TENM2: variants seen among roughly 807,000 people sequenced by gnomAD.
TENM2 encodes the protein teneurin transmembrane protein 2.
TENM2 carries 52 observed loss-of-function variants against 245.2 expected under a neutral mutation model. That is an observed-to-expected ratio of 0.21 (90% confidence interval 0.17 to 0.27). TENM2 has a LOEUF of 0.27. Among genes scored for constraint, TENM2 ranks in the 10% least tolerant of loss-of-function variants. The probability of loss-of-function intolerance (pLI) is 1.00; values close to 1 mark genes in which losing one functional copy is unlikely to be tolerated. For missense variants in TENM2, 3,046 were observed against 3,666.8 expected (o/e 0.83, Z 4.37); for synonymous variants, 1,363 against 1,438.9 (o/e 0.95, Z 1.19).
intron 3 of TENM2, among the ~76,000 whole-genome samples, chr5:167,894,958 GA>G (rs1364904529): frequency 1.7e-4 from 21 of 120,820 alleles, no homozygotes; most frequent in African/African-American, 6.1e-4. Context: ...AGGAAGGAAG[GA>G]AGGAAGGAAG....
chr5:168,253,419 T>G, intron 27 of TENM2, among the ~76,000 whole-genome samples: 1 of 140,880 alleles, frequency 7.1e-6, no homozygotes, highest in African/African-American at 2.6e-5. Flanking sequence ...ATAAATGCAT[T>G]CATTATTTTA....
intron 2 of TENM2, among the ~76,000 whole-genome samples, chr5:167,388,458 C>G (rs558364278): frequency 6.6e-6 from 1 of 151,952 alleles, no homozygotes; most frequent in Non-Finnish European, 1.5e-5. Context: ...AAAGAACCAG[C>G]TTTTGTTTCA....
At chr5:168,225,993 C>T in intron 23 of TENM2, 95 bp from the exon 26 acceptor site, 1 of 1,237,698 alleles carries the variant, frequency 8.1e-7, no homozygotes, top group Non-Finnish European at 1.1e-6. Context: ...ACCCACCTTC[C>T]CAGCTCTTTC....
the TENM2 span, among the ~76,000 whole-genome samples, chr5:167,021,327 T>A: frequency 6.6e-6 from 1 of 152,236 alleles, no homozygotes; most frequent in Admixed American, 6.5e-5. Context: ...TGTACTCAAA[T>A]GATTGCTGCA....
chr5:167,395,564 C>T (rs1762005063), intron 2 of TENM2, among the ~76,000 whole-genome samples: 1 of 152,128 alleles, frequency 6.6e-6, no homozygotes, highest in Non-Finnish European at 1.5e-5. Context: ...AGCATGTATC[C>T]TTGTCGTGTC....
At chr5:167,273,623 T>A in the TENM2 span, among the ~76,000 whole-genome samples, 5 of 152,174 alleles carry the variant, frequency 3.3e-5, no homozygotes, top group African/African-American at 1.2e-4. Context: ...GTTGCTTATA[T>A]TGTAACTAGC....
chr5:167,813,739 C>G (rs978038879), intron 2 of TENM2, among the ~76,000 whole-genome samples: 1 of 152,108 alleles, frequency 6.6e-6, no homozygotes, highest in Non-Finnish European at 1.5e-5. Flanking sequence ...GCTATGCCCC[C>G]AGTTGATCAT....
chr5:167,792,342 C>T (rs1402207870), intron 2 of TENM2, among the ~76,000 whole-genome samples: 2 of 151,988 alleles, frequency 1.3e-5, no homozygotes, highest in Admixed American at 1.3e-4. Context: ...TTCTGTGCAG[C>T]CTGGGACAGC....
chr5:168,190,653 T>C, intron 14 of TENM2, 106 bp downstream of exon 16: 3 of 991,744 alleles, frequency 3.0e-6, no homozygotes, highest in South Asian at 1.6e-5. Flanking sequence ...GCCTGGAATC[T>C]GCCCCCCTAG....
chr5:167,577,139 G>T (rs1172621885), intron 2 of TENM2, among the ~76,000 whole-genome samples: 1 of 152,106 alleles, frequency 6.6e-6, no homozygotes, highest in Non-Finnish European at 1.5e-5. Flanking sequence ...TACCCAGACA[G>T]GAACTGATGC....
chr5:167,726,727 G>A (rs2150538001), intron 2 of TENM2, among the ~76,000 whole-genome samples: 1 of 152,268 alleles, frequency 6.6e-6, no homozygotes, highest in Admixed American at 6.5e-5. Flanking sequence ...CCAAAATGCT[G>A]AGATTGTAGA....
At chr5:167,585,046 A>G (rs1055689839) in intron 2 of TENM2, among the ~76,000 whole-genome samples, 1 of 152,182 alleles carries the variant, frequency 6.6e-6, no homozygotes, top group Non-Finnish European at 1.5e-5. Context: ...CTCACAATGT[A>G]TGGATTAAAA....
At chr5:167,172,591 T>C in the TENM2 span, among the ~76,000 whole-genome samples, 1 of 151,538 alleles carries the variant, frequency 6.6e-6, no homozygotes, top group Non-Finnish European at 1.5e-5. Flanking sequence ...TTGAACTTTT[T>C]ACGTTTTTTT....
chr5:167,337,755 T>C (rs979985662), intron 1 of TENM2, among the ~76,000 whole-genome samples: 3 of 152,150 alleles, frequency 2.0e-5, no homozygotes, highest in Non-Finnish European at 4.4e-5. Context: ...AGTGGGGTGA[T>C]GTCAAGGAGT....
intron 12 of TENM2, chr5:168,129,168 A>G (rs1754340485): frequency 6.6e-6 from 1 of 152,248 alleles, no homozygotes; most frequent in Non-Finnish European, 1.5e-5. Flanking sequence ...CTTGAAAAAG[A>G]GATGGGAAGA....
chr5:167,983,827 G>C (rs1196132064), intron 4 of TENM2, among the ~76,000 whole-genome samples: 4 of 152,176 alleles, frequency 2.6e-5, no homozygotes, highest in African/African-American at 9.7e-5. Flanking sequence ...ACAGTGAGTG[G>C]AGGTGCCTGC....
the TENM2 span, among the ~76,000 whole-genome samples, chr5:167,008,246 A>G: frequency 6.6e-6 from 1 of 152,102 alleles, no homozygotes; most frequent in Non-Finnish European, 1.5e-5. Flanking sequence ...ATCCTTGCAT[A>G]TGACTGGTGT....
intron 2 of TENM2, among the ~76,000 whole-genome samples, chr5:167,852,319 G>T (rs758619476): frequency 6.6e-6 from 1 of 152,134 alleles, no homozygotes; most frequent in Non-Finnish European, 1.5e-5. Flanking sequence ...AGCAATCAGC[G>T]CATGACTGTA....
At chr5:167,070,980 G>A in the TENM2 span, among the ~76,000 whole-genome samples, 1 of 151,874 alleles carries the variant, frequency 6.6e-6, no homozygotes, top group Non-Finnish European at 1.5e-5. Flanking sequence ...GACTAAATTG[G>A]TGATCTAGCT....
Sources: allele counts gnomAD v4.1 joint callset (sites outside exome capture counted in the v4.1 genomes callset), GRCh38; gene constraint gnomAD v4.1.1; transcripts MANE v1.5; gene names NCBI Gene and HGNC (gene_info 2026-07-23, HGNC 2026-07-21).